Variants in CNTNAP5 observed in about 807,000 individuals in gnomAD.
CNTNAP5 encodes contactin associated protein family member 5, also known as contactin-associated protein-like 5.
A neutral mutation model predicts 150.2 loss-of-function variants in CNTNAP5; 72 were observed. The observed-to-expected ratio is 0.48, with a 90% confidence interval of 0.40 to 0.58. CNTNAP5 has a LOEUF of 0.58. Ranked by LOEUF, CNTNAP5 falls within the 20% of genes least tolerant of loss-of-function variation. The pLI, the probability that CNTNAP5 is intolerant of heterozygous loss-of-function variation, is 0.00. For synonymous variants in CNTNAP5, 672 were observed against 619.8 expected (o/e 1.08, Z -1.25); for missense variants, 1,636 against 1,626.2 (o/e 1.01, Z -0.10).
intron 1 of CNTNAP5, among the ~76,000 whole-genome samples, chr2:124,119,859 C>T (rs1376236979): frequency 6.6e-6 from 1 of 152,160 alleles, no homozygotes; most frequent in Non-Finnish European, 1.5e-5. Context: ...CCACTGCAGG[C>T]TCTTTACATC....
chr2:124,517,764 T>C (rs1358309557), intron 8 of CNTNAP5, among the ~76,000 whole-genome samples: 1 of 149,290 alleles, frequency 6.7e-6, no homozygotes, highest in Non-Finnish European at 1.5e-5. Flanking sequence ...TGGGGGCTTG[T>C]GGTGTTAGTG....
chr2:124,099,142 C>A (rs537604146), intron 1 of CNTNAP5, among the ~76,000 whole-genome samples: 1 of 152,174 alleles, frequency 6.6e-6, no homozygotes, highest in Non-Finnish European at 1.5e-5. Context: ...TTGATGGGTT[C>A]ATTGCTCCTC....
intron 5 of CNTNAP5, among the ~76,000 whole-genome samples, chr2:124,441,866 T>C (rs983336441): frequency 1.3e-5 from 2 of 151,770 alleles, no homozygotes; most frequent in Non-Finnish European, 2.9e-5. Flanking sequence ...CATATATATA[T>C]ATATATATAT....
In CNTNAP5 at chr2:124,498,877, G is replaced by T. The variant is rs114092329; in HGVS notation, c.1063-5415G>T. On this transcript the variant is annotated intron_variant, in intron 7 of 23. Coordinates refer to ENST00000682447, the MANE Select transcript of CNTNAP5 (RefSeq NM_001367498.1). Reference sequence around the variant, plus strand: ...AGACAAGACAGATGTTAAAGATGTGGGTCTTCAGTCTCAGATACCCAAGGT... The same window carrying T: ...AGACAAGACAGATGTTAAAGATGTGTGTCTTCAGTCTCAGATACCCAAGGT... Among the ~76,000 whole-genome samples, 706 of 152,170 alleles carry T rather than the reference G, an allele frequency of 4.6e-3. 6 individuals carry two copies. Among genetic ancestry groups the T allele is most frequent in the African/African-American group, 0.016 (671 of 41,514 alleles).
intron 8 of CNTNAP5, among the ~76,000 whole-genome samples, chr2:124,508,491 A>G (rs1485848742): frequency 6.6e-6 from 1 of 152,196 alleles, no homozygotes; most frequent in South Asian, 2.1e-4. Context: ...AATACAAGGA[A>G]GGCCCTGGCA....
chr2:124,670,180 C>CTTCCTTCCTCT (rs1201118196), intron 13 of CNTNAP5, among the ~76,000 whole-genome samples: 1 of 144,876 alleles, frequency 6.9e-6, no homozygotes, highest in Admixed American at 6.9e-5. Context: ...TTCCTTCCTC[C>CTTCCTTCCTCT]CTCTCTTTCT....
intron 3 of CNTNAP5, among the ~76,000 whole-genome samples, chr2:124,337,229 T>C (rs191577259): frequency 2.0e-5 from 3 of 152,312 alleles, no homozygotes; most frequent in Admixed American, 2.0e-4. Flanking sequence ...GTTTGTTTTT[T>C]CCTTGTAAAT....
At chr2:124,464,441 T>TA (rs1693328867) in intron 6 of CNTNAP5, among the ~76,000 whole-genome samples, 1 of 152,104 alleles carries the variant, frequency 6.6e-6, no homozygotes, top group Non-Finnish European at 1.5e-5. Flanking sequence ...TAATTGTTGG[T>TA]AAAAATGTAA....
chr2:124,114,283 C>T (rs1683374321), intron 1 of CNTNAP5, among the ~76,000 whole-genome samples: 1 of 150,764 alleles, frequency 6.6e-6, no homozygotes, highest in African/African-American at 2.4e-5. Context: ...TTATTTAGTT[C>T]TTCTTGTATA....
chr2:124,693,711 C>T (rs974999415), intron 13 of CNTNAP5, among the ~76,000 whole-genome samples: 6 of 151,790 alleles, frequency 4.0e-5, no homozygotes, highest in South Asian at 2.1e-4. Context: ...ACTTTAACAT[C>T]GCAGGCATGG....
chr2:124,074,548 G>A (rs1024827787), intron 1 of CNTNAP5, among the ~76,000 whole-genome samples: 1 of 152,016 alleles, frequency 6.6e-6, no homozygotes, highest in African/African-American at 2.4e-5. Flanking sequence ...TAATGTCATG[G>A]CGAGGCTGTT....
intron 3 of CNTNAP5, among the ~76,000 whole-genome samples, chr2:124,296,091 A>T (rs1227017961): frequency 6.6e-6 from 1 of 152,144 alleles, no homozygotes; most frequent in Non-Finnish European, 1.5e-5. Context: ...TTTTATATGT[A>T]TATCTTACTA....
rs146033212 is a variant in CNTNAP5, at chr2:124,265,174, C to G, written c.381+22781C>G. Among the ~76,000 whole-genome samples, 338 of 152,310 alleles carry G rather than the reference C, an allele frequency of 2.2e-3. 2 individuals carry two copies. Among genetic ancestry groups the G allele is most frequent in the African/African-American group, 7.9e-3 (327 of 41,566 alleles). On this transcript the variant is annotated intron_variant, in intron 3 of 23. Coordinates refer to ENST00000682447, the MANE Select transcript of CNTNAP5 (RefSeq NM_001367498.1). ...AGCCTCTCTCACACTGTCACTTCCC[C>G]ACCTAGGTGCACAAGGATGTGAATA...
chr2:124,315,069 T>C (rs1688930727), intron 3 of CNTNAP5, among the ~76,000 whole-genome samples: 1 of 151,936 alleles, frequency 6.6e-6, no homozygotes, highest in South Asian at 2.1e-4. Flanking sequence ...ACCCTTGAAG[T>C]CCTGGGCTCA....
chr2:124,495,092 T>C (rs1694114963), intron 7 of CNTNAP5, among the ~76,000 whole-genome samples: 1 of 152,210 alleles, frequency 6.6e-6, no homozygotes, highest in South Asian at 2.1e-4. Flanking sequence ...TAAATTTGTA[T>C]TCTATTTGTT....
chr2:124,494,390 C>A (rs1362122414), intron 7 of CNTNAP5, among the ~76,000 whole-genome samples: 1 of 152,032 alleles, frequency 6.6e-6, no homozygotes, highest in Non-Finnish European at 1.5e-5. Context: ...CCAGCTCCTG[C>A]AGATAGATGA....
At chr2:124,152,370 C>T (rs956030405) in intron 1 of CNTNAP5, among the ~76,000 whole-genome samples, 7 of 152,112 alleles carry the variant, frequency 4.6e-5, no homozygotes, top group Non-Finnish European at 8.8e-5. Flanking sequence ...TACTATCATC[C>T]GGATTTTGCA....
intron 1 of CNTNAP5, among the ~76,000 whole-genome samples, chr2:124,056,289 G>A (rs1681844187): frequency 6.6e-6 from 1 of 152,056 alleles, no homozygotes; most frequent in Admixed American, 6.6e-5. Flanking sequence ...GTGAACTTGG[G>A]CAATTACAAA....
chr2:124,353,620 T>G (rs1467998747), intron 3 of CNTNAP5, among the ~76,000 whole-genome samples: 1 of 152,194 alleles, frequency 6.6e-6, no homozygotes, highest in Non-Finnish European at 1.5e-5. Flanking sequence ...ATCTCCATGA[T>G]ACAGTGCCTC....
Sources: allele counts gnomAD v4.1 joint callset (sites outside exome capture counted in the v4.1 genomes callset), GRCh38; gene constraint gnomAD v4.1.1; transcripts MANE v1.5; gene names NCBI Gene and HGNC (gene_info 2026-07-23, HGNC 2026-07-21).